The following CTNNA3 variants were observed in gnomAD, a reference collection of about 807,000 sequenced individuals.
CTNNA3 encodes the protein catenin alpha-3.
In CTNNA3, 76 loss-of-function variants were observed where a neutral mutation model predicts 95.7. That is an observed-to-expected ratio of 0.79 (90% CI 0.66 to 0.96). The LOEUF (loss-of-function observed/expected upper bound fraction) is 0.96. Among genes scored for constraint, CTNNA3 ranks in the 40% least tolerant of loss-of-function variants. CTNNA3 has a pLI of 0.00. For synonymous variants in CTNNA3, 431 were observed against 374.4 expected, an observed-to-expected ratio of 1.15 and a Z score of -1.74; for missense variants, 1,191 against 1,089.8, an observed-to-expected ratio of 1.09 and a Z score of -1.31.
chr10:66,191,661 C>T lies in CTNNA3; in HGVS notation c.1885-88412G>A, dbSNP rs1003875201. Among the ~76,000 whole-genome samples, 4 of 151,256 alleles carry T rather than the reference C, an allele frequency of 2.6e-5. No homozygotes were observed. In the South Asian group the frequency reaches 6.3e-4, roughly 24 times the overall value. ...TGTAGCACCCATGTATATCTCTATT[C>T]CTGACTTAGCCTAGACACTCAGATT... On this transcript the variant is annotated intron_variant, in intron 13 of 17. Coordinates refer to ENST00000433211, the MANE Select transcript of CTNNA3 (RefSeq NM_013266.4).
At chr10:67,070,047 G>A (rs1282898472) in intron 7 of CTNNA3, among the ~76,000 whole-genome samples, 3 of 152,184 alleles carry the variant, frequency 2.0e-5, no homozygotes, top group East Asian at 1.9e-4. Context: ...GCTCTACATC[G>A]TTGACCAACA....
At chr10:67,725,824 AT>A (rs1053609899) in intron 1 of CTNNA3, among the ~76,000 whole-genome samples, 2 of 149,776 alleles carry the variant, frequency 1.3e-5, no homozygotes, top group African/African-American at 2.4e-5. Context: ...CAAAATCTTG[AT>A]TTTTTTAAGT....
chr10:66,280,734 T>A, intron 12 of CTNNA3, 113 bp from the exon 13 acceptor site: 2 of 669,094 alleles, frequency 3.0e-6, no homozygotes, highest in South Asian at 4.7e-5. Flanking sequence ...TTAATAGATC[T>A]TTAATTGTAT....
intron 7 of CTNNA3, among the ~76,000 whole-genome samples, chr10:66,980,401 A>G (rs1449598633): frequency 6.6e-6 from 1 of 152,200 alleles, no homozygotes; most frequent in Non-Finnish European, 1.5e-5. Flanking sequence ...CTTCTGGCTC[A>G]CACAGAGAAA....
chr10:67,421,908 T>C (rs1242777153), intron 5 of CTNNA3, among the ~76,000 whole-genome samples: 4 of 152,208 alleles, frequency 2.6e-5, no homozygotes, highest in African/African-American at 4.8e-5. Context: ...AATATAGATG[T>C]ATGTATATGT....
chr10:67,496,611 T>G (rs921954673), intron 5 of CTNNA3, among the ~76,000 whole-genome samples: 4 of 152,228 alleles, frequency 2.6e-5, no homozygotes, highest in African/African-American at 9.6e-5. Context: ...GGTAACTGAA[T>G]ATGAAATTAG....
chr10:66,178,399 G>GTATATA (rs71035113), intron 13 of CTNNA3, among the ~76,000 whole-genome samples: 112 of 91,062 alleles, frequency 1.2e-3, no homozygotes, highest in African/African-American at 2.1e-3. Flanking sequence ...CCTTGAAAGT[G>GTATATA]TATATATATA....
intron 11 of CTNNA3, among the ~76,000 whole-genome samples, chr10:66,414,644 T>G (rs7072354): frequency 0.35 from 52,533 of 151,992 alleles, 9,814 homozygotes; most frequent in African/African-American, 0.48. Context: ...GATGCCATTT[T>G]AGAACTTTGC....
At position 66,046,978 on chromosome 10, in the gene CTNNA3, C is replaced by T. The variant is rs546863776; in HGVS notation, c.2159+22330G>A. Among the ~76,000 whole-genome samples, 20 of 152,120 alleles carry T rather than the reference C, an allele frequency of 1.3e-4. No homozygotes were observed. In the South Asian group the frequency reaches 4.2e-3, roughly 32 times the overall value. ...TCAACAAGGAGCTACAAAATTAACT[C>T]GGTAATAAATAGCCTACCAACCAAA... On this transcript the variant is annotated intron_variant, in intron 15 of 17. Transcript: ENST00000433211.
chr10:66,635,063 G>GC (rs1423633887), intron 9 of CTNNA3, among the ~76,000 whole-genome samples: 1 of 152,040 alleles, frequency 6.6e-6, no homozygotes, highest in Non-Finnish European at 1.5e-5. Flanking sequence ...ACCTCATATT[G>GC]CTGTGTGATG....
intron 7 of CTNNA3, among the ~76,000 whole-genome samples, chr10:67,114,709 G>GGTGGGTGTGTGTGT (rs932746570): frequency 9.2e-4 from 133 of 144,844 alleles, no homozygotes; most frequent in African/African-American, 3.3e-3. Flanking sequence ...GGTTCTTAAA[G>GGTGGGTGTGTGTGT]GTGTGTGTGT....
intron 1 of CTNNA3, among the ~76,000 whole-genome samples, chr10:67,672,607 T>G (rs1304255097): frequency 1.3e-5 from 2 of 152,190 alleles, no homozygotes; most frequent in Admixed American, 1.3e-4. Flanking sequence ...CACCATTTAT[T>G]AAAAAGGGTA....
chr10:67,001,243 G>C (rs1213454465), intron 7 of CTNNA3, among the ~76,000 whole-genome samples: 6 of 150,190 alleles, frequency 4.0e-5, no homozygotes. Flanking sequence ...GGAGGTTGCA[G>C]TGAGCCGAGA....
intron 10 of CTNNA3, among the ~76,000 whole-genome samples, chr10:66,595,708 G>C (rs60254944): frequency 0.31 from 46,882 of 151,764 alleles, 7,591 homozygotes; most frequent in Middle Eastern, 0.46. Context: ...AGGATCATGT[G>C]TCACTGCAGC....
At chr10:66,722,230 T>G (rs1261599705) in intron 9 of CTNNA3, among the ~76,000 whole-genome samples, 1 of 151,852 alleles carries the variant, frequency 6.6e-6, no homozygotes, top group African/African-American at 2.4e-5. Flanking sequence ...TACAAAAAAT[T>G]AGCCGGGCGT....
intron 7 of CTNNA3, among the ~76,000 whole-genome samples, chr10:66,939,507 A>C (rs909682767): frequency 1.3e-5 from 2 of 152,220 alleles, no homozygotes; most frequent in African/African-American, 2.4e-5. Context: ...ATTTGTATTC[A>C]ACTCTTTTGT....
chr10:67,565,994 A>G (rs1380021012), intron 3 of CTNNA3, among the ~76,000 whole-genome samples: 1 of 113,930 alleles, frequency 8.8e-6, no homozygotes, highest in Non-Finnish European at 1.8e-5. Context: ...GTATATATAT[A>G]TTATATATAT....
chr10:67,506,975 G>C (rs923198825), intron 5 of CTNNA3, among the ~76,000 whole-genome samples: 5 of 152,056 alleles, frequency 3.3e-5, no homozygotes, highest in African/African-American at 1.2e-4. Flanking sequence ...CTGTACCTTA[G>C]TCTCAGCTGT....
intron 7 of CTNNA3, among the ~76,000 whole-genome samples, chr10:67,017,727 G>A (rs112624487): frequency 0.017 from 1,704 of 98,324 alleles, 30 homozygotes; most frequent in African/African-American, 0.07. Context: ...AAAATCATCT[G>A]TGTGTGTGTG....
Sources: gnomAD v4.1 joint callset for allele counts (sites outside exome capture counted in the v4.1 genomes callset) on GRCh38, gnomAD v4.1.1 for gene constraint, MANE v1.5 for transcripts, NCBI Gene and HGNC (gene_info 2026-07-23, HGNC 2026-07-21) for gene names.